Variants in SAMD3 observed in about 807,000 individuals in gnomAD.
The protein encoded by SAMD3 is sterile alpha motif domain-containing protein 3.
Under a neutral mutation model 58.5 loss-of-function variants are expected in SAMD3, and 63 were observed. The ratio of observed to expected loss-of-function variants is 1.08; its 90% CI spans 0.88 to 1.33. SAMD3 has a LOEUF of 1.33. SAMD3 is among the 40% of genes most tolerant of loss of function. The pLI is 0.00. For missense variants in SAMD3, 604 were observed against 608.4 expected, an observed-to-expected ratio of 0.99 and a Z score of 0.08; for synonymous variants, 220 against 210.3, an observed-to-expected ratio of 1.05 and a Z score of -0.40.
chr6:130,322,019 A>T (rs1776600950), intron 1 of SAMD3, among the ~76,000 whole-genome samples: 1 of 152,214 alleles, frequency 6.6e-6, no homozygotes, highest in South Asian at 2.1e-4. Context: ...AGGAATAAGC[A>T]GAGAAGACAA....
chr6:130,270,295 G>A (rs1774513390), intron 2 of SAMD3, among the ~76,000 whole-genome samples: 1 of 152,170 alleles, frequency 6.6e-6, no homozygotes, highest in Admixed American at 6.5e-5. Context: ...GTTTCACCAT[G>A]TTGGCCAGGC....
intron 5 of SAMD3, among the ~76,000 whole-genome samples, chr6:130,196,498 A>T (rs34666370): frequency 0.38 from 57,055 of 151,814 alleles, 11,435 homozygotes; most frequent in African/African-American, 0.47. Context: ...CCCTGATCAC[A>T]CTTAGTTTAT....
At chr6:130,295,100 T>G (rs764071269) in intron 2 of SAMD3, among the ~76,000 whole-genome samples, 1 of 152,010 alleles carries the variant, frequency 6.6e-6, no homozygotes, top group Non-Finnish European at 1.5e-5. Flanking sequence ...ATTTTGTATT[T>G]TTAGTAGAGA....
At chr6:130,215,856 G>A (rs1437011066) in intron 2 of SAMD3, 41 of 1,533,864 alleles carry the variant, frequency 2.7e-5, no homozygotes, top group Non-Finnish European at 2.7e-5. Context: ...ATTGTTTTCC[G>A]TTAGCAAGAA....
At chr6:130,225,368 C>G (rs1346603495), upstream of SAMD3, among the ~76,000 whole-genome samples, 2 of 152,092 alleles carry the variant, frequency 1.3e-5, no homozygotes, top group African/African-American at 4.8e-5. Context: ...TATGGGAAAA[C>G]AAGAATGTGG....
chr6:130,219,113 G>A (rs775134748), intron 1 of SAMD3, among the ~76,000 whole-genome samples: 3 of 152,116 alleles, frequency 2.0e-5, no homozygotes, highest in Non-Finnish European at 4.4e-5. Context: ...ATGTGCACCA[G>A]TTTTCCTTCG....
intron 2 of SAMD3, among the ~76,000 whole-genome samples, chr6:130,261,552 G>A (rs561971234): frequency 6.6e-6 from 1 of 152,322 alleles, no homozygotes; most frequent in African/African-American, 2.4e-5. Context: ...GCAAAAGTGT[G>A]TGTGTGCCCT....
At chr6:130,164,709 C>T (rs78620372) in intron 8 of SAMD3, among the ~76,000 whole-genome samples, 1 of 151,736 alleles carries the variant, frequency 6.6e-6, no homozygotes, top group South Asian at 2.1e-4. Context: ...GGACATGGCT[C>T]GATCATCTAG....
At chr6:130,258,233 T>A (rs1348103825) in intron 2 of SAMD3, among the ~76,000 whole-genome samples, 1 of 152,176 alleles carries the variant, frequency 6.6e-6, no homozygotes, top group East Asian at 1.9e-4. Flanking sequence ...TAATGGCATA[T>A]TGTTTTCTCT....
chr6:130,191,624 CTT>C (rs5880007), intron 5 of SAMD3, among the ~76,000 whole-genome samples: 155 of 144,050 alleles, frequency 1.1e-3, no homozygotes, highest in Admixed American at 1.8e-3. Context: ...TGCTTCCTTC[CTT>C]TTTTTTTTTT....
At chr6:130,312,636 TTTC>T (rs1392244261) in intron 2 of SAMD3, among the ~76,000 whole-genome samples, 1 of 152,220 alleles carries the variant, frequency 6.6e-6, no homozygotes, top group Admixed American at 6.5e-5. Context: ...TGCCTTGACT[TTTC>T]TTCTTTTTCT....
At chr6:130,336,414 T>C (rs1777102503) in intron 1 of SAMD3, among the ~76,000 whole-genome samples, 1 of 152,234 alleles carries the variant, frequency 6.6e-6, no homozygotes, top group Non-Finnish European at 1.5e-5. Flanking sequence ...CATGGGGCTA[T>C]CTCTGGGAAA....
intron 2 of SAMD3, among the ~76,000 whole-genome samples, chr6:130,280,901 T>G (rs1774957832): frequency 2.0e-5 from 3 of 152,310 alleles, no homozygotes; most frequent in Middle Eastern, 6.8e-3. Context: ...GACACAGTAG[T>G]TCTCTGATAC....
At chr6:130,362,401 G>T (rs995483447) in intron 1 of SAMD3, among the ~76,000 whole-genome samples, 2 of 152,124 alleles carry the variant, frequency 1.3e-5, no homozygotes, top group Admixed American at 6.5e-5. Flanking sequence ...GGAACAGGTG[G>T]GCCACCACTA....
At chr6:130,259,968 GATAAGA>G (rs1333578706) in intron 2 of SAMD3, among the ~76,000 whole-genome samples, 7 of 152,148 alleles carry the variant, frequency 4.6e-5, no homozygotes, top group African/African-American at 1.4e-4. Context: ...CCACAGTCAA[GATAAGA>G]ATAAGTACAT....
Position 130,288,469 on chromosome 6 carries a change from C to A in SAMD3, c.-188+24509G>T, listed in dbSNP as rs531321617. 1.1e-4 allele frequency among the ~76,000 whole-genome samples: 16 copies of A among 152,204 alleles called. 1 individual carries two copies. The East Asian group carries it at 3.1e-3, about 29-fold the overall frequency. On this transcript the variant is annotated intron_variant, in intron 2 of 13. Transcript: ENST00000368134. The stretch of plus-strand genomic sequence containing the variant: ...GTTAATCACATCTGAAAAAAAATAG[C>A]TTCATAGCAACAGCTAGACTGGTGT...
At chr6:130,342,931 G>A (rs1777317448) in intron 1 of SAMD3, among the ~76,000 whole-genome samples, 1 of 152,006 alleles carries the variant, frequency 6.6e-6, no homozygotes. Context: ...GACCATGGTG[G>A]GGCCTTGATT....
intron 5 of SAMD3, among the ~76,000 whole-genome samples, chr6:130,202,735 A>G (rs1444490738): frequency 6.6e-6 from 1 of 152,204 alleles, no homozygotes; most frequent in African/African-American, 2.4e-5. Context: ...TAATCAAGGA[A>G]TAGAATTAGT....
rs1246331537 is a variant in SAMD3 at position 130,155,867 on chromosome 6, G to A, written c.823-842C>T. 2.0e-5 allele frequency among the ~76,000 whole-genome samples: 3 copies of A among 152,040 alleles called. 1 individual carries two copies. The highest frequency in any genetic ancestry group is 4.1e-4 in the South Asian group (2 of 4,826). The stretch of plus-strand genomic sequence containing the variant: ...CAAGACCTAAACCAAGTGAAGGAAC[G>A]CCTAGAAAAATAAAATTATCAAAAT... On this transcript the variant is annotated intron_variant, in intron 8 of 11. Coordinates refer to ENST00000439090, the MANE Select transcript of SAMD3 (RefSeq NM_001017373.4).
Sources: gnomAD v4.1 joint callset for allele counts (sites outside exome capture counted in the v4.1 genomes callset) on GRCh38, gnomAD v4.1.1 for gene constraint, MANE v1.5 for transcripts, NCBI Gene and HGNC (gene_info 2026-07-23, HGNC 2026-07-21) for gene names.